Variants in LAMB4 observed in about 807,000 individuals in gnomAD.
LAMB4 encodes the protein laminin subunit beta 4.
In LAMB4, 196 loss-of-function variants were observed where a neutral mutation model predicts 199.2. That is an observed-to-expected ratio of 0.98 (90% CI 0.88 to 1.11). LAMB4 has a LOEUF of 1.11. Among genes scored for constraint, LAMB4 ranks in the 50% least tolerant of loss-of-function variants. The pLI, the probability that LAMB4 is intolerant of heterozygous loss-of-function variation, is 0.00. For synonymous variants in LAMB4, 744 were observed against 770.6 expected (o/e 0.97, Z 0.57); for missense variants, 2,080 against 2,171.2 (o/e 0.96, Z 0.83).
intron 1 of LAMB4, among the ~76,000 whole-genome samples, chr7:108,124,767 G>T (rs2038721125): frequency 6.6e-6 from 1 of 151,994 alleles, no homozygotes; most frequent in Non-Finnish European, 1.5e-5. Context: ...CTACCTTCGA[G>T]GCTTTTCCTT....
intron 31 of LAMB4, among the ~76,000 whole-genome samples, chr7:108,033,494 TC>T (rs2035112058): frequency 6.6e-6 from 1 of 152,174 alleles, no homozygotes; most frequent in Non-Finnish European, 1.5e-5. Flanking sequence ...CACTGCAACC[TC>T]CGCCCCCTGG....
At chr7:108,066,710 A>C in intron 19 of LAMB4, 110 bp from the exon 20 acceptor site, 1 of 694,224 alleles carries the variant, frequency 1.4e-6, no homozygotes, top group Non-Finnish European at 2.5e-6. Context: ...TGAACTAAGC[A>C]AGCCTGTAAC....
chr7:108,067,717 G>A (rs978006501), intron 19 of LAMB4, among the ~76,000 whole-genome samples: 30 of 152,198 alleles, frequency 2.0e-4, no homozygotes, highest in Non-Finnish European at 3.2e-4. Context: ...GGTGTTCCAC[G>A]TTTTAACTGA....
intron 28 of LAMB4, among the ~76,000 whole-genome samples, chr7:108,045,553 T>G (rs1384179533): frequency 6.6e-6 from 1 of 152,242 alleles, no homozygotes; most frequent in African/African-American, 2.4e-5. Flanking sequence ...TTAACACTGA[T>G]AGCTTAACAT....
At chr7:108,067,937 C>G in intron 19 of LAMB4, 79 bp downstream of exon 19, 2 of 1,553,404 alleles carry the variant, frequency 1.3e-6, no homozygotes, top group African/African-American at 2.7e-5. Flanking sequence ...CCCATTAAAA[C>G]CCCCCTCCAT....
At chr7:108,079,183 C>T (rs902142868) in intron 15 of LAMB4, among the ~76,000 whole-genome samples, 1 of 152,218 alleles carries the variant, frequency 6.6e-6, no homozygotes, top group African/African-American at 2.4e-5. Flanking sequence ...TTTGGTCTTT[C>T]TCTTGTCGCA....
chr7:108,045,975 C>A (rs1332596727), intron 28 of LAMB4, among the ~76,000 whole-genome samples: 1 of 151,932 alleles, frequency 6.6e-6, no homozygotes, highest in Non-Finnish European at 1.5e-5. Context: ...TGGTTCTCAC[C>A]CCATTCCCAA....
chr7:108,024,595 C>G (rs2034768094), intron 33 of LAMB4, among the ~76,000 whole-genome samples: 1 of 152,154 alleles, frequency 6.6e-6, no homozygotes, highest in East Asian at 1.9e-4. Flanking sequence ...GTTGATTCCT[C>G]CCTGCTGATA....
chr7:108,039,625 C>T (rs182326653), intron 29 of LAMB4, among the ~76,000 whole-genome samples: 1 of 152,180 alleles, frequency 6.6e-6, no homozygotes, highest in Admixed American at 6.5e-5. Context: ...CGCACCACCA[C>T]ATCCAGCTGA....
intron 19 of LAMB4, among the ~76,000 whole-genome samples, chr7:108,067,490 C>G (rs2036382712): frequency 6.6e-6 from 1 of 152,158 alleles, no homozygotes; most frequent in Non-Finnish European, 1.5e-5. Flanking sequence ...GGATGAAGCC[C>G]CATCTAAACC....
At chr7:108,037,060 C>G (rs2035255540) in intron 30 of LAMB4, among the ~76,000 whole-genome samples, 1 of 151,934 alleles carries the variant, frequency 6.6e-6, no homozygotes, top group Non-Finnish European at 1.5e-5. Flanking sequence ...AAGGGAAAAA[C>G]TATACCAATA....
chr7:108,036,968 TCAGA>T (rs1357322202), intron 30 of LAMB4, among the ~76,000 whole-genome samples: 3 of 151,702 alleles, frequency 2.0e-5, no homozygotes, highest in African/African-American at 7.3e-5. Flanking sequence ...AAGTGAAATA[TCAGA>T]CAGACTTTAA....
chr7:108,101,747 T>C (rs182989085), intron 10 of LAMB4, among the ~76,000 whole-genome samples: 7 of 152,276 alleles, frequency 4.6e-5, no homozygotes, highest in Non-Finnish European at 1.5e-5. Flanking sequence ...CTCAGATTTG[T>C]GCAAGCAGCA....
chr7:108,029,026 G>C lies in LAMB4; in HGVS notation c.5146+17C>G. ...ATGTTATTATCAAATTGGCAGGATG[G>C]ATAAAAGAACAGATACCTGTTATTC... On this transcript the variant is annotated intron_variant, in intron 33 of 33. Coordinates refer to ENST00000388781, the MANE Select transcript of LAMB4 (RefSeq NM_007356.3). 1.2e-6 allele frequency: 2 copies of C among 1,605,942 alleles called. No individual in the cohort carries two copies. Among genetic ancestry groups the C allele is most frequent in the Non-Finnish European group, 1.7e-6 (2 of 1,176,362 alleles).
At position 108,029,026 on chromosome 7, in the gene LAMB4, G is replaced by A; in HGVS notation, c.5146+17C>T. 6.2e-7 allele frequency: 1 copy of A among 1,605,942 alleles called. No homozygotes were observed. The highest frequency in any genetic ancestry group is 8.5e-7 in the Non-Finnish European group (1 of 1,176,362). On this transcript the variant is annotated intron_variant, in intron 33 of 33. Transcript: ENST00000388781. ...ATGTTATTATCAAATTGGCAGGATGGATAAAAGAACAGATACCTGTTATTC... is the reference window on the plus strand; with the variant it reads ...ATGTTATTATCAAATTGGCAGGATGAATAAAAGAACAGATACCTGTTATTC...
In LAMB4 at chr7:108,098,435, CCGTAGT is replaced by C; in HGVS notation, c.1322_1327del (p.His441_Gly443delinsArg). 3.1e-6 allele frequency: 5 copies of C among 1,611,400 alleles called. No individual in the cohort carries two copies. The highest frequency in any genetic ancestry group is 4.2e-6 in the Non-Finnish European group (5 of 1,179,048). On this transcript the variant is annotated inframe_deletion, in exon 11 of 34. Coordinates refer to ENST00000388781, the MANE Select transcript of LAMB4 (RefSeq NM_007356.3). ...GCCCAGGGGGTCGGTGGCGCTTAGTCCGTAGTGGTTGGGTTTGCACTGGTCGCATTT... is the reference window on the plus strand; with the variant it reads ...GCCCAGGGGGTCGGTGGCGCTTAGTCGGTTGGGTTTGCACTGGTCGCATTT...
At chr7:108,035,760 C>G (rs904515418) in intron 30 of LAMB4, among the ~76,000 whole-genome samples, 22 of 151,828 alleles carry the variant, frequency 1.4e-4, no homozygotes, top group African/African-American at 4.8e-4. Flanking sequence ...TTTTTATTTT[C>G]AACTTCCTGT....
chr7:108,118,692 A>C (rs2150688793), intron 2 of LAMB4, among the ~76,000 whole-genome samples: 1 of 152,246 alleles, frequency 6.6e-6, no homozygotes, highest in East Asian at 1.9e-4. Context: ...TATGAAACTC[A>C]TATAAAACAT....
chr7:108,093,687 TA>T (rs933746278), intron 12 of LAMB4, among the ~76,000 whole-genome samples: 1 of 152,014 alleles, frequency 6.6e-6, no homozygotes, highest in Admixed American at 6.6e-5. Flanking sequence ...TATAAAATGC[TA>T]AAAAAAATTC....
Sources: gnomAD v4.1 joint callset for allele counts (sites outside exome capture counted in the v4.1 genomes callset) on GRCh38, gnomAD v4.1.1 for gene constraint, MANE v1.5 for transcripts, NCBI Gene and HGNC (gene_info 2026-07-23, HGNC 2026-07-21) for gene names.